Variants in RMDN2 observed in about 807,000 individuals in gnomAD.
RMDN2 encodes the protein regulator of microtubule dynamics protein 2.
RMDN2 carries 61 observed loss-of-function variants against 52.8 expected under a neutral mutation model. The ratio of observed to expected loss-of-function variants is 1.16; its 90% CI spans 0.94 to 1.43. The LOEUF is 1.43. Among genes scored for constraint, RMDN2 ranks in the 40% most tolerant of loss-of-function variants. The probability of loss-of-function intolerance (pLI) is 0.00; values close to 1 mark genes in which losing one functional copy is unlikely to be tolerated. For missense variants in RMDN2, 592 were observed against 475.3 expected (o/e 1.25, Z -2.28); for synonymous variants, 180 against 153.1 (o/e 1.18, Z -1.30).
chr2:37,942,073 A>G (rs1667841580), intron 2 of RMDN2, among the ~76,000 whole-genome samples: 1 of 152,054 alleles, frequency 6.6e-6, no homozygotes, highest in Non-Finnish European at 1.5e-5. Flanking sequence ...GGTTGTGAAG[A>G]CCGTGGGAAA....
At position 37,991,291 on chromosome 2, in the gene RMDN2, C is replaced by T. The variant is rs145460911; in HGVS notation, c.939C>T (p.Cys313=). 175 of 1,506,600 alleles carry T rather than the reference C, an allele frequency of 1.2e-4. 1 individual carries two copies. The African/African-American group carries it at 2.3e-3, about 20-fold the overall frequency. The allele number at this position is 1,506,600 out of a possible 1,614,324, so 93.3% of individuals were successfully genotyped here. ...TATATTACCTCAAAGGGAGATACTGCTATACTGTAAGTTGAATGCCTTTAT... is the reference window on the plus strand; with the variant it reads ...TATATTACCTCAAAGGGAGATACTGTTATACTGTAAGTTGAATGCCTTTAT... ...PFLYYLKGRY[C]YTVSKLSWIE... Residue 313 remains cysteine, a synonymous_variant, in exon 7 of 11, where the codon TGC becomes TGT. Transcript: ENST00000354545.
At chr2:38,026,202 TTATC>T (rs1679770354) in intron 10 of RMDN2, among the ~76,000 whole-genome samples, 1 of 152,136 alleles carries the variant, frequency 6.6e-6, no homozygotes, top group Non-Finnish European at 1.5e-5. Flanking sequence ...TTCAAAGAAT[TTATC>T]TATTTTTCTA....
chr2:37,977,412 TCGGC>T (rs1344830354), intron 4 of RMDN2, among the ~76,000 whole-genome samples: 1 of 119,826 alleles, frequency 8.3e-6, no homozygotes, highest in African/African-American at 3.2e-5. Context: ...CCCAGACGGG[TCGGC>T]CGGGCAGAGG....
rs1209983726 is a variant in RMDN2 at position 37,959,292 on chromosome 2, A to G, written c.453-14748A>G. On this transcript the variant is annotated intron_variant, in intron 2 of 10. Coordinates refer to ENST00000354545, the MANE Select transcript of RMDN2 (RefSeq NM_001170791.3). ...GAATCCATCTGGACCTGGGCTTTTT[A>G]TGGTTGGTAGGCTATTAATTACTGC... 2.7e-5 allele frequency among the ~76,000 whole-genome samples: 4 copies of G among 150,660 alleles called. 1 individual carries two copies. The highest frequency in any genetic ancestry group is 7.5e-5 in the African/African-American group (3 of 40,118).
intron 10 of RMDN2, among the ~76,000 whole-genome samples, chr2:38,034,843 A>G (rs145976683): frequency 6.0e-5 from 9 of 149,126 alleles, no homozygotes; most frequent in Non-Finnish European, 1.0e-4. Flanking sequence ...AGTAGAAATA[A>G]AGGAATACTG....
chr2:37,997,423 A>G lies in RMDN2; in HGVS notation c.953A>G (p.Lys318Arg), dbSNP rs984172867. ...LKGRYCYTVSKLSWIEKKMAA... is the reference protein window; with the variant it reads ...LKGRYCYTVSRLSWIEKKMAA... ...GTTGTTGTGTATTTGCAGGTCTCAA[A>G]ACTGAGCTGGATTGAGAAAAAAATG... Residue 318 changes from lysine (K) to arginine (R), a missense_variant, in exon 8 of 11, where the codon AAA becomes AGA. Physicochemically the swap from Lys to Arg is conservative, Grantham distance 26 (BLOSUM62 2). Coordinates refer to ENST00000354545, the MANE Select transcript of RMDN2 (RefSeq NM_001170791.3). 3.2e-5 allele frequency: 52 copies of G among 1,611,570 alleles called. No homozygotes were observed. Among genetic ancestry groups the G allele is most frequent in the Non-Finnish European group, 4.0e-5 (47 of 1,177,858 alleles).
At chr2:37,926,751 CATAGGGAGACTCACTCTCTACAAGT>C (rs1666312151) in intron 1 of RMDN2, among the ~76,000 whole-genome samples, 1 of 152,162 alleles carries the variant, frequency 6.6e-6, no homozygotes, top group South Asian at 2.1e-4. Context: ...AGCCTAGCAA[CATAGGGAGACTCACTCTCTACAAGT>C]AATGTAAAAA....
At chr2:37,934,353 T>G (rs866999562) in intron 2 of RMDN2, among the ~76,000 whole-genome samples, 1 of 152,222 alleles carries the variant, frequency 6.6e-6, no homozygotes, top group South Asian at 2.1e-4. Flanking sequence ...TATGCACTTA[T>G]GCCTTTTCTG....
intron 10 of RMDN2, among the ~76,000 whole-genome samples, chr2:38,027,598 G>A (rs1441168152): frequency 6.6e-6 from 1 of 152,116 alleles, no homozygotes; most frequent in Non-Finnish European, 1.5e-5. Flanking sequence ...TTGTACTATG[G>A]AATTACTTAT....
At chr2:37,966,242 C>T (rs982234461) in intron 2 of RMDN2, among the ~76,000 whole-genome samples, 1 of 151,954 alleles carries the variant, frequency 6.6e-6, no homozygotes, top group South Asian at 2.1e-4. Context: ...CACGGTGAAA[C>T]CCTGTCTTTA....
At chr2:38,061,664 T>TAC (rs1682058650) in intron 10 of RMDN2, among the ~76,000 whole-genome samples, 1 of 41,152 alleles carries the variant, frequency 2.4e-5, no homozygotes, top group Non-Finnish European at 6.0e-5. Flanking sequence ...TACACACATA[T>TAC]ACCACTTATA....
chr2:37,997,343 G>A lies in RMDN2; in HGVS notation c.946-73G>A, dbSNP rs77579045. ...ACGTATATACACATAACACACACAC[G>A]TCTAACTGGGGAGAGATAATCCATT... is the stretch of plus-strand genomic sequence containing the variant. On this transcript the variant is annotated intron_variant, in intron 7 of 10. Transcript: ENST00000354545. 2,221 of 909,616 alleles carry A rather than the reference G, an allele frequency of 2.4e-3. 64 individuals are homozygous for A. The East Asian group carries it at 0.051, about 21-fold the overall frequency. 56.3% of individuals were successfully genotyped at this position (909,616 alleles called of 1,614,324 possible). A position where few individuals can be genotyped will look rare whatever the true frequency, so the allele number is the denominator to read the frequency against.
intron 10 of RMDN2, among the ~76,000 whole-genome samples, chr2:38,047,903 A>G (rs1028832593): frequency 6.6e-6 from 1 of 151,930 alleles, no homozygotes; most frequent in East Asian, 1.9e-4. Flanking sequence ...CTCCTTCCTT[A>G]TATTGTTCAC....
intron 7 of RMDN2, among the ~76,000 whole-genome samples, chr2:37,995,530 AC>A (rs1675425744): frequency 6.6e-6 from 1 of 152,240 alleles, no homozygotes; most frequent in Non-Finnish European, 1.5e-5. Flanking sequence ...GGATAAATGT[AC>A]AGATCAACCA....
intron 10 of RMDN2, among the ~76,000 whole-genome samples, chr2:38,041,272 A>C (rs886445718): frequency 1.4e-4 from 21 of 152,092 alleles, no homozygotes; most frequent in Admixed American, 9.8e-4. Context: ...CTCCTCTCCT[A>C]CTACTTCTTA....
At position 37,929,323 on chromosome 2, in the gene RMDN2, G is replaced by A; in HGVS notation, c.46G>A (p.Gly16Ser). 1.3e-6 allele frequency: 2 copies of A among 1,550,702 alleles called. No individual in the cohort carries two copies. The highest frequency in any genetic ancestry group is 1.2e-5 in the South Asian group (1 of 83,648). ...NKELILGIMV[G>S]TAGISLLLLW... The stretch of plus-strand genomic sequence containing the variant: ...AGAGTTGATACTTGGCATCATGGTG[G>A]GCACTGCTGGAATCAGCTTGCTGCT... Residue 16 changes from glycine to serine, a missense_variant, in exon 2 of 11, where the codon GGC (glycine) becomes AGC (serine). Gly to Ser is a moderately conservative substitution (Grantham distance 56). Transcript: ENST00000354545.
At chr2:38,058,907 ATAT>A (rs1431329504) in intron 10 of RMDN2, among the ~76,000 whole-genome samples, 1 of 152,210 alleles carries the variant, frequency 6.6e-6, no homozygotes, top group Non-Finnish European at 1.5e-5. Context: ...ATGTATCTTT[ATAT>A]TATATTTATG....
chr2:37,928,997 GT>G (rs199894296), intron 1 of RMDN2: 4 of 240,476 alleles, frequency 1.7e-5, no homozygotes, highest in South Asian at 1.7e-4. Context: ...ATTGCCTGGG[GT>G]TTTTTTGTTT....
At chr2:38,039,089 C>G (rs111243210) in intron 10 of RMDN2, among the ~76,000 whole-genome samples, 30,746 of 111,306 alleles carry the variant, frequency 0.28, 4,343 homozygotes, top group East Asian at 0.73. Context: ...CACACACACA[C>G]ACACAGAGAG....
Sources: gnomAD v4.1 joint callset for allele counts (sites outside exome capture counted in the v4.1 genomes callset) on GRCh38, gnomAD v4.1.1 for gene constraint, MANE v1.5 for transcripts, NCBI Gene and HGNC (gene_info 2026-07-23, HGNC 2026-07-21) for gene names.